Variants in ZWILCH observed in about 807,000 individuals in gnomAD.
The protein encoded by ZWILCH is protein zwilch homolog.
ZWILCH carries 74 observed loss-of-function variants against 79.9 expected under a neutral mutation model. The observed-to-expected ratio is 0.93, with a 90% CI of 0.77 to 1.12. The LOEUF (loss-of-function observed/expected upper bound fraction) is 1.12, where lower values mean the gene tolerates loss of function less well. ZWILCH is among the 50% of genes most tolerant of loss of function. ZWILCH has a pLI of 0.00. For missense variants in ZWILCH, 694 were observed against 687.5 expected (o/e 1.01, Z -0.11); for synonymous variants, 241 against 228.2 (o/e 1.06, Z -0.51).
At chr15:66,525,436 A>G (rs1390267034) in intron 8 of ZWILCH, among the ~76,000 whole-genome samples, 1 of 152,250 alleles carries the variant, frequency 6.6e-6, no homozygotes, top group Non-Finnish European at 1.5e-5. Flanking sequence ...ATAAATGGAT[A>G]GGATTTTTTC....
At chr15:66,539,401 C>CAAAAAAA (rs536047404) in intron 16 of ZWILCH, among the ~76,000 whole-genome samples, 3 of 58,060 alleles carry the variant, frequency 5.2e-5, no homozygotes, top group Non-Finnish European at 1.1e-4. Flanking sequence ...AAGACCCTGT[C>CAAAAAAA]AAAAAAAAAA....
intron 14 of ZWILCH, among the ~76,000 whole-genome samples, chr15:66,533,746 A>AC (rs1894926550): frequency 1.3e-5 from 2 of 152,048 alleles, no homozygotes; most frequent in African/African-American, 2.4e-5. Flanking sequence ...ACACACACAC[A>AC]AACATACATA....
intron 7 of ZWILCH, among the ~76,000 whole-genome samples, chr15:66,522,163 G>C (rs1026074204): frequency 1.3e-5 from 2 of 151,558 alleles, no homozygotes; most frequent in Non-Finnish European, 2.9e-5. Flanking sequence ...GTGCCACTGC[G>C]CTCCAGCCTG....
chr15:66,532,027 A>G (rs1290940788), intron 12 of ZWILCH, among the ~76,000 whole-genome samples: 1 of 152,158 alleles, frequency 6.6e-6, no homozygotes, highest in African/African-American at 2.4e-5. Context: ...AGATCGTGCC[A>G]CTGCACTCCA....
chr15:66,550,004 A>C lies in ZWILCH; in HGVS notation c.*1680A>C. On this transcript the variant is annotated 3_prime_UTR_variant, in exon 19 of 19. Transcript: ENST00000307897. ...AATGATATGTATAATTATTTAGTTT[A>C]ATTATTAAAGGAAAACATTGAAATA... is the stretch of plus-strand genomic sequence containing the variant. 7.1e-7 allele frequency: 1 copy of C among 1,417,288 alleles called. No individual in the cohort carries two copies. The highest frequency in any genetic ancestry group is 9.6e-7 in the Non-Finnish European group (1 of 1,039,472). 87.8% of individuals were successfully genotyped at this position (1,417,288 alleles called of 1,614,324 possible). A position where few individuals can be genotyped will look rare whatever the true frequency, so the allele number is the denominator to read the frequency against.
At chr15:66,526,015 C>T (rs1395058098) in intron 8 of ZWILCH, among the ~76,000 whole-genome samples, 2 of 152,046 alleles carry the variant, frequency 1.3e-5, no homozygotes, top group Admixed American at 6.6e-5. Flanking sequence ...CCACCTGTCT[C>T]GGCCACCCAA....
chr15:66,505,459 C>G (rs1567037309), intron 1 of ZWILCH, 68 bp downstream of exon 1: 1 of 1,576,500 alleles, frequency 6.3e-7, no homozygotes, highest in Admixed American at 1.7e-5. Flanking sequence ...GTCTGGATCC[C>G]CGCCCTAAGC....
In ZWILCH at chr15:66,514,087, A is replaced by G; in HGVS notation, c.201+4A>G. 6.3e-7 allele frequency: 1 copy of G among 1,594,728 alleles called. No individual in the cohort carries two copies. The highest frequency in any genetic ancestry group is 8.5e-7 in the Non-Finnish European group (1 of 1,170,772). On this transcript the variant is annotated splice_donor_region_variant and intron_variant, in intron 3 of 18. Coordinates refer to ENST00000307897, the MANE Select transcript of ZWILCH (RefSeq NM_017975.5). ...AGTATTCATAGTGGAAAAAGTGGTA[A>G]GTACTGGTTTGACTTTGTGGTTGTT...
rs1040131084 is a variant in ZWILCH at position 66,549,982 on chromosome 15, G to A, written c.*1658G>A. ...AGCCACATTTTGAGATTTTGAAAAT[G>A]ATATGTATAATTATTTAGTTTAATT... On this transcript the variant is annotated 3_prime_UTR_variant, in exon 19 of 19. Coordinates refer to ENST00000307897, the MANE Select transcript of ZWILCH (RefSeq NM_017975.5). 66 of 1,130,858 alleles carry A rather than the reference G, an allele frequency of 5.8e-5. No homozygotes were observed. The highest frequency in any genetic ancestry group is 8.0e-5 in the Non-Finnish European group (65 of 807,596). 70.1% of individuals were successfully genotyped at this position (1,130,858 alleles called of 1,614,324 possible). A position where few individuals can be genotyped will look rare whatever the true frequency, so the allele number is the denominator to read the frequency against.
rs548147330 is a variant in ZWILCH at position 66,527,674 on chromosome 15, C to G, written c.914-183C>G. On this transcript the variant is annotated intron_variant, in intron 9 of 18. Coordinates refer to ENST00000307897, the MANE Select transcript of ZWILCH (RefSeq NM_017975.5). The stretch of plus-strand genomic sequence containing the variant: ...TGTGTCAGGGGCTTTTCTGTTACCT[C>G]CGTTCATCCTCACACCCCCACCTGA... 3.2e-4 allele frequency among the ~76,000 whole-genome samples: 48 copies of G among 152,288 alleles called. No homozygotes were observed. In the South Asian group the frequency reaches 9.6e-3, roughly 30 times the overall value.
chr15:66,520,791 T>C (rs1894465523), intron 6 of ZWILCH, 131 bp downstream of exon 6: 1 of 735,246 alleles, frequency 1.4e-6, no homozygotes, highest in Non-Finnish European at 2.2e-6. Flanking sequence ...TTATGTTTAT[T>C]TTCATATCAG....
intron 10 of ZWILCH, 37 bp from the exon 11 acceptor site, chr15:66,528,815 A>G (rs1226504645): frequency 6.4e-7 from 1 of 1,574,522 alleles, no homozygotes; most frequent in South Asian, 1.1e-5. Flanking sequence ...ACTTAAAAAA[A>G]AAACTGAGTA....
rs1458847278 is a variant in ZWILCH, at chr15:66,523,729, G to A, written c.800G>A (p.Arg267Lys). Residue 267 changes from arginine (R) to lysine (K), a missense_variant, in exon 8 of 19, where the codon AGA (arginine) becomes AAA (lysine). By Grantham distance (26) the Arg-to-Lys change is conservative. Transcript: ENST00000307897. Reference sequence around the variant, plus strand: ...AGAGGTCCTTTGAATCATCTCTACAGAGAACTGAAATTTCTTCTTGTGAGT... The same window carrying A: ...AGAGGTCCTTTGAATCATCTCTACAAAGAACTGAAATTTCTTCTTGTGAGT... ...EPRGPLNHLYRELKFLLVLAD... is the reference protein window; with the variant it reads ...EPRGPLNHLYKELKFLLVLAD... 5.6e-6 allele frequency: 9 copies of A among 1,610,848 alleles called. No individual in the cohort carries two copies. Among genetic ancestry groups the A allele is most frequent in the African/African-American group, 1.3e-5 (1 of 74,858 alleles).
chr15:66,524,512 A>T (rs1348842005), intron 8 of ZWILCH: 2 of 152,042 alleles, frequency 1.3e-5, no homozygotes, highest in African/African-American at 4.8e-5. Flanking sequence ...TGGTGTGTGC[A>T]TCTTGATCTA....
chr15:66,544,408 T>C (rs1320096315), intron 17 of ZWILCH, among the ~76,000 whole-genome samples: 1 of 152,122 alleles, frequency 6.6e-6, no homozygotes, highest in East Asian at 1.9e-4. Flanking sequence ...CTTGCCTCAC[T>C]GCAGACTCAA....
intron 8 of ZWILCH, among the ~76,000 whole-genome samples, chr15:66,525,337 T>G (rs1259583842): frequency 4.6e-5 from 7 of 152,212 alleles, no homozygotes; most frequent in Non-Finnish European, 1.0e-4. Flanking sequence ...TAAATGTGTG[T>G]TTGTCTAATT....
chr15:66,543,758 GA>G (rs200187632), intron 17 of ZWILCH, among the ~76,000 whole-genome samples: 137 of 133,630 alleles, frequency 1.0e-3, no homozygotes, highest in Middle Eastern at 3.7e-3. Flanking sequence ...CCCTGTCTCA[GA>G]AAAAAAAAAA....
intron 2 of ZWILCH, among the ~76,000 whole-genome samples, chr15:66,509,840 T>TTTCATTAATGAGAAGCTGTA (rs1555423518): frequency 1.3e-5 from 1 of 75,652 alleles, no homozygotes; most frequent in Non-Finnish European, 2.6e-5. Context: ...TATATATATA[T>TTTCATTAATGAGAAGCTGTA]ATATATATAT....
At chr15:66,544,620 G>A (rs1895295240) in intron 17 of ZWILCH, among the ~76,000 whole-genome samples, 1 of 151,996 alleles carries the variant, frequency 6.6e-6, no homozygotes, top group African/African-American at 2.4e-5. Context: ...GATTACAGGT[G>A]CGAACTACTA....
Sources: allele counts gnomAD v4.1 joint callset (sites outside exome capture counted in the v4.1 genomes callset), GRCh38; gene constraint gnomAD v4.1.1; transcripts MANE v1.5; gene names NCBI Gene and HGNC (gene_info 2026-07-23, HGNC 2026-07-21).